Variants in SMG1 observed in about 807,000 individuals in gnomAD.
SMG1 encodes the protein serine/threonine-protein kinase SMG1.
SMG1 carries 22 observed loss-of-function variants against 419.9 expected under a neutral mutation model. The ratio of observed to expected loss-of-function variants is 0.05; its 90% CI spans 0.04 to 0.07. The LOEUF (loss-of-function observed/expected upper bound fraction) is 0.07. Ranked by LOEUF, SMG1 falls within the 10% of genes least tolerant of loss-of-function variation. The pLI, the probability that SMG1 is intolerant of heterozygous loss-of-function variation, is 1.00. For synonymous variants in SMG1, 1,538 were observed against 1,553.5 expected (o/e 0.99, Z 0.23); for missense variants, 3,185 against 4,342.0 (o/e 0.73, Z 7.49).
At chr16:18,849,418 TAAAACTATGAA>T (rs752663853) in intron 35 of SMG1, 40 bp from the exon 36 acceptor site, 16 of 1,557,678 alleles carry the variant, frequency 1.0e-5, no homozygotes, top group Non-Finnish European at 1.4e-5. Context: ...TAAAGTTATT[TAAAACTATGAA>T]GAAACTATCA....
chr16:18,867,569 T>A (rs1257128462), intron 22 of SMG1, among the ~76,000 whole-genome samples: 1 of 143,516 alleles, frequency 7.0e-6, no homozygotes. Context: ...AAATAAATAA[T>A]TTATCCCATA....
In SMG1 at chr16:18,876,161, A is replaced by G; in HGVS notation, c.1853T>C (p.Leu618Pro). ...KFVVIFDLSA[L>P]TTIGNAKNSL... ...GTTTTTGGCATTTCCAATTGTAGTC[A>G]GGGCACTGAGGTCAAATATAACTAC... is the stretch of plus-strand genomic sequence containing the variant. The change falls in exon 13 of 63, where the codon CTG (leucine) becomes CCG (proline). Residue 618 changes from leucine (L) to proline (P), a missense_variant. Around this residue, in one of 27 missense-constraint regions of SMG1, gnomAD observed 297 missense variants for 491.0 expected, o/e 0.60. Coordinates refer to ENST00000446231, the MANE Select transcript of SMG1 (RefSeq NM_015092.5). 1 of 1,611,826 alleles carries G rather than the reference A, an allele frequency of 6.2e-7. No individual in the cohort carries two copies. Among genetic ancestry groups the G allele is most frequent in the Non-Finnish European group, 8.5e-7 (1 of 1,179,700 alleles).
At chr16:18,894,672 ACAGT>A (rs1487716755) in intron 3 of SMG1, among the ~76,000 whole-genome samples, 2 of 135,416 alleles carry the variant, frequency 1.5e-5, no homozygotes, top group Admixed American at 1.5e-4. Context: ...AAGCACACAC[ACAGT>A]ATTAAAAAAA....
At chr16:18,875,158 T>G (rs533885598) in intron 13 of SMG1, 1 of 152,580 alleles carries the variant, frequency 6.6e-6, no homozygotes, top group Non-Finnish European at 1.5e-5. Flanking sequence ...ATACAACAGT[T>G]TGGACTCATC....
chr16:18,887,706 A>C (rs1171198285), intron 6 of SMG1, among the ~76,000 whole-genome samples: 2 of 126,312 alleles, frequency 1.6e-5, no homozygotes, highest in African/African-American at 5.9e-5. Flanking sequence ...AACATTCCTT[A>C]TATTTCCTTT....
In SMG1 at chr16:18,870,002, C is replaced by G. The variant is rs2035729370; in HGVS notation, c.2493-8G>C. The G allele has an allele frequency of 6.6e-7, 1 of 1,525,838 alleles. No individual in the cohort carries two copies. The allele number at this position is 1,525,838 out of a possible 1,614,324, so 94.5% of individuals were successfully genotyped here. A position where few individuals can be genotyped will look rare whatever the true frequency, so the allele number is the denominator to read the frequency against. ...TCTGTGTGATTGTTATTGCTGTAGA[C>G]AGAAAATAAAGTTGTTATGCAAAAT... On this transcript the variant is annotated splice_polypyrimidine_tract_variant and splice_region_variant and intron_variant, in intron 18 of 62. Transcript: ENST00000446231.
At chr16:18,858,029 C>T (rs1051075929) in intron 29 of SMG1, 141 bp downstream of exon 29, 4 of 617,708 alleles carry the variant, frequency 6.5e-6, no homozygotes, top group Non-Finnish European at 7.9e-6. Context: ...GTATCTCGAT[C>T]GTATTGGTGG....
intron 1 of SMG1, among the ~76,000 whole-genome samples, chr16:18,917,636 G>A (rs1415923122): frequency 2.0e-5 from 3 of 151,052 alleles, no homozygotes; most frequent in Non-Finnish European, 2.9e-5. Context: ...GGAGTGCAAC[G>A]GCGCAATTTC....
chr16:18,812,203 T>A (rs946819578), intron 60 of SMG1, 76 bp from the exon 61 acceptor site: 1 of 1,408,290 alleles, frequency 7.1e-7, no homozygotes, highest in Non-Finnish European at 9.7e-7. Context: ...AAGCACGGGA[T>A]AGGTGGTAGT....
intron 38 of SMG1, among the ~76,000 whole-genome samples, chr16:18,846,108 C>T (rs2034250406): frequency 6.6e-6 from 1 of 152,064 alleles, no homozygotes; most frequent in Non-Finnish European, 1.5e-5. Flanking sequence ...GTCACCGTGT[C>T]CAGCCAAGAA....
chr16:18,887,248 A>G (rs1416158098), intron 6 of SMG1, among the ~76,000 whole-genome samples: 1 of 152,228 alleles, frequency 6.6e-6, no homozygotes. Context: ...ATAATTGTGC[A>G]TGCAGAATAA....
chr16:18,897,180 A>G (rs938241383), intron 1 of SMG1, among the ~76,000 whole-genome samples: 2 of 152,270 alleles, frequency 1.3e-5, no homozygotes, highest in African/African-American at 2.4e-5. Context: ...CTATTGTTCT[A>G]AAGACCCATT....
chr16:18,892,128 T>C (rs1042637029), intron 4 of SMG1, 90 bp downstream of exon 4: 5 of 891,146 alleles, frequency 5.6e-6, no homozygotes, highest in African/African-American at 3.3e-5. Context: ...TAATACAGAC[T>C]TTCCCCATTC....
intron 1 of SMG1, among the ~76,000 whole-genome samples, chr16:18,918,401 C>A (rs1025930992): frequency 2.6e-5 from 4 of 152,252 alleles, no homozygotes; most frequent in African/African-American, 7.2e-5. Context: ...TTTCTCTACA[C>A]ACTGACAATT....
intron 55 of SMG1, among the ~76,000 whole-genome samples, chr16:18,826,965 G>A (rs1218118111): frequency 4.6e-5 from 2 of 43,750 alleles, no homozygotes; most frequent in African/African-American, 1.4e-4. Flanking sequence ...CTCGTGGTGC[G>A]CCGTTTCTTA....
At chr16:18,848,510 T>C (rs958224090) in intron 36 of SMG1, among the ~76,000 whole-genome samples, 2 of 152,004 alleles carry the variant, frequency 1.3e-5, no homozygotes, top group Non-Finnish European at 2.9e-5. Context: ...TTCACCATGT[T>C]GTCCAGGCTG....
chr16:18,862,675 T>C (rs932402425), intron 25 of SMG1, among the ~76,000 whole-genome samples: 21 of 152,194 alleles, frequency 1.4e-4, no homozygotes, highest in African/African-American at 4.3e-4. Flanking sequence ...CTCTTCACCA[T>C]AGCAGAATGA....
chr16:18,890,798 T>G, intron 5 of SMG1, 65 bp downstream of exon 5: 1 of 862,886 alleles, frequency 1.2e-6, no homozygotes, highest in Non-Finnish European at 2.0e-6. Context: ...TTCTTGTGTA[T>G]TGTTAAGTAA....
Position 18,815,572 on chromosome 16 carries a change from G to A in SMG1, c.10382C>T (p.Ser3461Leu). The change falls in exon 59 of 63, where the codon TCA becomes TTA. Residue 3461 changes from serine (S) to leucine (L), a missense_variant. Around this residue, in one of 27 missense-constraint regions of SMG1, gnomAD observed 737 missense variants for 846.6 expected, o/e 0.87. Coordinates refer to ENST00000446231, the MANE Select transcript of SMG1 (RefSeq NM_015092.5). ...AACTGTTTGAATGTTGTCTTGCCATGATTTATATTCACCCAAAAACTGCCT... is the reference window on the plus strand; with the variant it reads ...AACTGTTTGAATGTTGTCTTGCCATAATTTATATTCACCCAAAAACTGCCT... ...SVRQFLGEYK[S>L]WQDNIQTVLF... is the part of the protein sequence containing the mutation. 6.2e-7 allele frequency: 1 copy of A among 1,613,950 alleles called. No homozygotes were observed. The highest frequency in any genetic ancestry group is 8.5e-7 in the Non-Finnish European group (1 of 1,179,880).
Sources: allele counts gnomAD v4.1 joint callset (sites outside exome capture counted in the v4.1 genomes callset), GRCh38; gene constraint gnomAD v4.1.1; regional missense constraint gnomAD v4.1.1; transcripts MANE v1.5; gene names NCBI Gene and HGNC (gene_info 2026-07-23, HGNC 2026-07-21).